Variants in CNIH2 observed in about 807,000 individuals in gnomAD.
CNIH2 encodes protein cornichon homolog 2.
In CNIH2, 8 loss-of-function variants were observed where a neutral mutation model predicts 22.9. That is an observed-to-expected ratio of 0.35 (90% confidence interval 0.20 to 0.63). The LOEUF is 0.63. CNIH2 is among the 30% of genes least tolerant of loss of function. The pLI is 0.72. For synonymous variants in CNIH2, 74 were observed against 78.2 expected (o/e 0.95, Z 0.28); for missense variants, 105 against 206.2 (o/e 0.51, Z 3.01).
intron 1 of CNIH2, among the ~76,000 whole-genome samples, chr11:66,278,806 G>T (rs1485452310): frequency 6.9e-6 from 1 of 144,658 alleles, no homozygotes; most frequent in Non-Finnish European, 1.5e-5. Flanking sequence ...CATGCAGCCC[G>T]TGAGGTGGGG....
At chr11:66,278,926 C>G (rs1185722353) in intron 1 of CNIH2, among the ~76,000 whole-genome samples, 10 of 110,976 alleles carry the variant, frequency 9.0e-5, no homozygotes, top group African/African-American at 3.3e-4. Flanking sequence ...CCCCCCCCCC[C>G]CCGCCTTTGT....
intron 2 of CNIH2, 146 bp from the exon 3 acceptor site, chr11:66,282,587 G>C: frequency 1.0e-6 from 1 of 991,982 alleles, no homozygotes; most frequent in Non-Finnish European, 1.5e-6. Context: ...GGTCGCCATG[G>C]GGACGGCGCG....
intron 2 of CNIH2, 70 bp downstream of exon 2, chr11:66,282,397 T>TGGGGGG: frequency 6.3e-6 from 1 of 157,728 alleles, no homozygotes; most frequent in South Asian, 5.7e-5. Context: ...GGGCTGGGGG[T>TGGGGGG]GGGAGACGGG....
chr11:66,280,726 G>A (rs957906016), intron 1 of CNIH2, among the ~76,000 whole-genome samples: 8 of 152,162 alleles, frequency 5.3e-5, no homozygotes, highest in East Asian at 1.9e-4. Context: ...GTTGCTGTGC[G>A]TGCCAAGTGG....
chr11:66,278,855 TC>T (rs1261556504), intron 1 of CNIH2, among the ~76,000 whole-genome samples: 4 of 95,174 alleles, frequency 4.2e-5, no homozygotes, highest in Middle Eastern at 0.013. Flanking sequence ...ATCTTCTATG[TC>T]CCCCCCCACC....
intron 1 of CNIH2, 48 bp downstream of exon 1, chr11:66,278,585 G>C: frequency 3.8e-5 from 26 of 678,396 alleles, no homozygotes; most frequent in Non-Finnish European, 4.8e-5. Context: ...GGGGGCAGGG[G>C]CCACGCGGAG....
At chr11:66,278,926 C>CCG (rs1555005561) in intron 1 of CNIH2, among the ~76,000 whole-genome samples, 19 of 110,980 alleles carry the variant, frequency 1.7e-4, no homozygotes, top group African/African-American at 5.0e-4. Flanking sequence ...CCCCCCCCCC[C>CCG]CCGCCTTTGT....
chr11:66,280,444 G>A (rs1234539031), intron 1 of CNIH2, among the ~76,000 whole-genome samples: 2 of 152,178 alleles, frequency 1.3e-5, no homozygotes, highest in African/African-American at 2.4e-5. Context: ...GGGGATAGGA[G>A]GCGTGGTCCT....
intron 1 of CNIH2, among the ~76,000 whole-genome samples, chr11:66,279,732 T>C (rs1478680487): frequency 6.6e-6 from 1 of 152,006 alleles, no homozygotes; most frequent in African/African-American, 2.4e-5. Context: ...CCCTTTGCCA[T>C]CCCCTGCCAC....
At chr11:66,280,267 G>A (rs1368480656) in intron 1 of CNIH2, among the ~76,000 whole-genome samples, 2 of 152,224 alleles carry the variant, frequency 1.3e-5, no homozygotes, top group Non-Finnish European at 2.9e-5. Context: ...TTGAAGAAAT[G>A]TCTTTGTTCA....
In CNIH2 at chr11:66,283,653, A is replaced by G; in HGVS notation, c.*56A>G. 1.3e-6 allele frequency: 2 copies of G among 1,545,872 alleles called. No homozygotes were observed. Among genetic ancestry groups the G allele is most frequent in the Non-Finnish European group, 1.7e-6 (2 of 1,143,120 alleles). ...ACGGACCGGACGCCTGTGCACCCCCAGCCCTGCCCCTTGGCCGCAGAGGCC... is the reference window on the plus strand; with the variant it reads ...ACGGACCGGACGCCTGTGCACCCCCGGCCCTGCCCCTTGGCCGCAGAGGCC... On this transcript the variant is annotated 3_prime_UTR_variant, in exon 6 of 6. Coordinates refer to ENST00000311445, the MANE Select transcript of CNIH2 (RefSeq NM_182553.3).
intron 1 of CNIH2, chr11:66,281,392 A>G (rs1332436875): frequency 4.4e-6 from 2 of 456,164 alleles, no homozygotes; most frequent in Admixed American, 4.7e-5. Flanking sequence ...TAAGAATTAA[A>G]TGAGTGAATC....
Position 66,283,368 on chromosome 11 carries a change from C to T in CNIH2, c.432C>T (p.Leu144=). The change falls in exon 5 of 6, where the codon CTC becomes CTT. Residue 144 remains leucine (L), a synonymous_variant. Coordinates refer to ENST00000311445, the MANE Select transcript of CNIH2 (RefSeq NM_182553.3). ...ESWCKLAFYL[L]SFFYYLYSMV... Reference sequence around the variant, plus strand: ...GGTGCAAACTTGCCTTCTACCTGCTCTCCTTCTTCTATTACCTGTACAGGT... The same window carrying T: ...GGTGCAAACTTGCCTTCTACCTGCTTTCCTTCTTCTATTACCTGTACAGGT... 6.2e-7 allele frequency: 1 copy of T among 1,614,200 alleles called. No homozygotes were observed. The highest frequency in any genetic ancestry group is 8.5e-7 in the Non-Finnish European group (1 of 1,180,022).
At chr11:66,280,110 T>TC (rs1232488506) in intron 1 of CNIH2, among the ~76,000 whole-genome samples, 2 of 152,198 alleles carry the variant, frequency 1.3e-5, no homozygotes, top group African/African-American at 4.8e-5. Flanking sequence ...GTCCCTGTCC[T>TC]CAGGGGATCC....
chr11:66,283,647 A>G lies in CNIH2; in HGVS notation c.*50A>G, dbSNP rs1249830443. ...CCCAGAACGGACCGGACGCCTGTGC[A>G]CCCCCAGCCCTGCCCCTTGGCCGCA... On this transcript the variant is annotated 3_prime_UTR_variant, in exon 6 of 6. Transcript: ENST00000311445. 1 of 1,548,704 alleles carries G rather than the reference A, an allele frequency of 6.5e-7. No homozygotes were observed. The highest frequency in any genetic ancestry group is 1.4e-5 in the African/African-American group (1 of 72,914).
intron 3 of CNIH2, 97 bp downstream of exon 3, chr11:66,282,877 G>T: frequency 6.8e-7 from 1 of 1,465,598 alleles, no homozygotes; most frequent in South Asian, 1.2e-5. Flanking sequence ...GGGCCTGTTT[G>T]ATCCACTCTA....
intron 1 of CNIH2, among the ~76,000 whole-genome samples, chr11:66,280,165 C>A (rs1447048579): frequency 6.6e-6 from 1 of 152,242 alleles, no homozygotes; most frequent in East Asian, 1.9e-4. Flanking sequence ...TCCCAAAGAT[C>A]AGGCTCTGGG....
In CNIH2 at chr11:66,282,798, G is replaced by A. The variant is rs556709957; in HGVS notation, c.198+18G>A. The A allele has an allele frequency of 6.0e-5, 96 of 1,605,254 alleles. No homozygotes were observed. Among genetic ancestry groups the A allele is most frequent in the Admixed American group, 8.4e-5 (5 of 59,222 alleles). On this transcript the variant is annotated intron_variant, in intron 3 of 5. Coordinates refer to ENST00000311445, the MANE Select transcript of CNIH2 (RefSeq NM_182553.3). ...TGAGGAAGGTCAGTGTCAGGGCTGGGGGCAGGAGGCTCCTAGCCCAGCGCT... is the reference window on the plus strand; with the variant it reads ...TGAGGAAGGTCAGTGTCAGGGCTGGAGGCAGGAGGCTCCTAGCCCAGCGCT...
chr11:66,281,591 G>C (rs993837355), intron 1 of CNIH2: 1 of 410,910 alleles, frequency 2.4e-6, no homozygotes, highest in African/African-American at 2.1e-5. Context: ...CCAAACTCCT[G>C]CTCTGGCCTC....
Sources: gnomAD v4.1 joint callset for allele counts (sites outside exome capture counted in the v4.1 genomes callset) on GRCh38, gnomAD v4.1.1 for gene constraint, MANE v1.5 for transcripts, NCBI Gene and HGNC (gene_info 2026-07-23, HGNC 2026-07-21) for gene names.